The following ACAP2 variants were observed in gnomAD, a reference collection of about 807,000 sequenced individuals.
ACAP2 encodes arf-GAP with coiled-coil, ANK repeat and PH domain-containing protein 2.
Under a neutral mutation model 115.8 loss-of-function variants are expected in ACAP2, and 39 were observed. The ratio of observed to expected loss-of-function variants is 0.34; its 90% CI spans 0.26 to 0.44. The LOEUF is 0.44. Ranked by LOEUF, ACAP2 falls within the 20% of genes least tolerant of loss-of-function variation. The probability of loss-of-function intolerance (pLI) is 1.00; values close to 1 mark genes in which losing one functional copy is unlikely to be tolerated. For missense variants in ACAP2, 662 were observed against 927.6 expected (o/e 0.71, Z 3.72); for synonymous variants, 289 against 315.8 (o/e 0.92, Z 0.90).
chr3:195,439,387 C>G (rs1261676541), intron 1 of ACAP2, among the ~76,000 whole-genome samples: 2 of 151,958 alleles, frequency 1.3e-5, no homozygotes, highest in Non-Finnish European at 2.9e-5. Flanking sequence ...CTTTGTTGCC[C>G]AGGCTGGTCT....
rs367662601 is a variant in ACAP2 at position 195,326,868 on chromosome 3, T to C, written c.744+17A>G. On this transcript the variant is annotated intron_variant, in intron 9 of 22. Transcript: ENST00000326793. ...TGTATAAAGTGGAATTAATTTTTAA[T>C]TTTTCCCCTGAGGTACCTTTTGTTG... 4 of 1,612,750 alleles carry C rather than the reference T, an allele frequency of 2.5e-6. No individual in the cohort carries two copies. Among genetic ancestry groups the C allele is most frequent in the Non-Finnish European group, 3.4e-6 (4 of 1,179,088 alleles).
chr3:195,307,455 G>A, intron 11 of ACAP2, 132 bp from the exon 12 acceptor site: 3 of 563,690 alleles, frequency 5.3e-6, no homozygotes, highest in Non-Finnish European at 3.1e-6. Flanking sequence ...TAGAAACAGG[G>A]GTTATCAATA....
At chr3:195,355,059 T>C (rs894427228) in intron 4 of ACAP2, among the ~76,000 whole-genome samples, 12 of 152,158 alleles carry the variant, frequency 7.9e-5, no homozygotes, top group African/African-American at 2.9e-4. Context: ...AGACGGGGTT[T>C]CGCCATGTTG....
chr3:195,358,082 G>A (rs1732106247), intron 4 of ACAP2, among the ~76,000 whole-genome samples: 2 of 152,124 alleles, frequency 1.3e-5, no homozygotes, highest in Admixed American at 1.3e-4. Flanking sequence ...GATGAGATTT[G>A]GGTGGGGACA....
At chr3:195,382,638 G>A (rs1394001543) in intron 2 of ACAP2, among the ~76,000 whole-genome samples, 2 of 151,970 alleles carry the variant, frequency 1.3e-5, no homozygotes, top group Non-Finnish European at 2.9e-5. Context: ...CTAGACAAAG[G>A]AGAGAAAAGT....
chr3:195,408,273 G>A (rs971132875), intron 1 of ACAP2, among the ~76,000 whole-genome samples: 1 of 152,070 alleles, frequency 6.6e-6, no homozygotes, highest in African/African-American at 2.4e-5. Context: ...GACCAGTCTG[G>A]GCAACACGGC....
At chr3:195,301,160 A>T (rs561317942) in intron 15 of ACAP2, among the ~76,000 whole-genome samples, 8 of 150,678 alleles carry the variant, frequency 5.3e-5, no homozygotes, top group Non-Finnish European at 1.0e-4. Context: ...ATCTCGGCTC[A>T]CTGCAAGCTC....
Position 195,376,885 on chromosome 3 carries a change from G to T in ACAP2, c.285+4124C>A, listed in dbSNP as rs77248068. Among the ~76,000 whole-genome samples the T allele has an allele frequency of 1.3e-4, 20 of 152,156 alleles. No homozygotes were observed. The South Asian group carries it at 3.5e-3, about 27-fold the overall frequency. On this transcript the variant is annotated intron_variant, in intron 4 of 22. Coordinates refer to ENST00000326793, the MANE Select transcript of ACAP2 (RefSeq NM_012287.6). The stretch of plus-strand genomic sequence containing the variant: ...AGCTCTGCTAGAGAATCTAATGCAG[G>T]TTACACTATTTATTATCTTTTAGAA...
intron 2 of ACAP2, among the ~76,000 whole-genome samples, chr3:195,386,856 TAGGGCTGA>T (rs1423611502): frequency 2.0e-5 from 3 of 148,186 alleles, no homozygotes; most frequent in African/African-American, 7.5e-5. Flanking sequence ...AGACCAGAGG[TAGGGCTGA>T]AGAACAAAAG....
chr3:195,330,023 T>A (rs1250556727), intron 8 of ACAP2, among the ~76,000 whole-genome samples: 1 of 152,104 alleles, frequency 6.6e-6, no homozygotes, highest in Admixed American at 6.6e-5. Flanking sequence ...AATAGCTCTA[T>A]GATTCAGAGA....
chr3:195,301,513 A>T, intron 15 of ACAP2, 62 bp downstream of exon 15: 2 of 1,294,046 alleles, frequency 1.5e-6, no homozygotes, highest in Middle Eastern at 4.5e-4. Flanking sequence ...GTAAACCAAG[A>T]TTCTAAAATC....
intron 10 of ACAP2, among the ~76,000 whole-genome samples, chr3:195,311,705 T>C (rs1728780561): frequency 1.3e-5 from 2 of 151,818 alleles, no homozygotes; most frequent in African/African-American, 2.4e-5. Context: ...CCCAGCTAAT[T>C]TTTGTATTTT....
chr3:195,442,446 G>A (rs1716080802), intron 1 of ACAP2, among the ~76,000 whole-genome samples: 1 of 152,264 alleles, frequency 6.6e-6, no homozygotes, highest in Non-Finnish European at 1.5e-5. Context: ...GCCAGAGGAG[G>A]AAGGGGGCGA....
At chr3:195,355,936 T>C (rs1247629351) in intron 4 of ACAP2, 2 of 306,812 alleles carry the variant, frequency 6.5e-6, no homozygotes, top group African/African-American at 2.2e-5. Flanking sequence ...CAAGCTGGAA[T>C]GGGAGGCAGA....
At chr3:195,407,648 G>A (rs1712900470) in intron 1 of ACAP2, among the ~76,000 whole-genome samples, 1 of 152,062 alleles carries the variant, frequency 6.6e-6, no homozygotes, top group South Asian at 2.1e-4. Flanking sequence ...AGTGAGATGA[G>A]ATGATGCCAC....
intron 13 of ACAP2, among the ~76,000 whole-genome samples, chr3:195,304,096 G>A (rs1728249967): frequency 6.8e-6 from 1 of 147,722 alleles, no homozygotes; most frequent in African/African-American, 2.5e-5. Flanking sequence ...CCTGGGAGGT[G>A]GAAGTTGCAG....
intron 1 of ACAP2, among the ~76,000 whole-genome samples, chr3:195,392,846 A>T (rs1228230654): frequency 6.6e-6 from 1 of 152,240 alleles, no homozygotes; most frequent in Admixed American, 6.5e-5. Flanking sequence ...TTGGGGATGA[A>T]AACATTTTAC....
At chr3:195,441,767 T>C (rs1716011385) in intron 1 of ACAP2, 1 of 152,202 alleles carries the variant, frequency 6.6e-6, no homozygotes, top group Non-Finnish European at 1.5e-5. Flanking sequence ...TGTAAATAAA[T>C]ACACTGTAAA....
chr3:195,280,516 A>T (rs1726427914), intron 22 of ACAP2, among the ~76,000 whole-genome samples: 1 of 152,224 alleles, frequency 6.6e-6, no homozygotes, highest in South Asian at 2.1e-4. Flanking sequence ...TCAGTTTTGC[A>T]TTTAAAAGTT....
Sources: allele counts gnomAD v4.1 joint callset (sites outside exome capture counted in the v4.1 genomes callset), GRCh38; gene constraint gnomAD v4.1.1; transcripts MANE v1.5; gene names NCBI Gene and HGNC (gene_info 2026-07-23, HGNC 2026-07-21).